CALCR: variants seen among roughly 807,000 people sequenced by gnomAD.
CALCR encodes the protein calcitonin receptor.
Under a neutral mutation model 59.5 loss-of-function variants are expected in CALCR, and 47 were observed. The observed-to-expected ratio is 0.79, with a 90% CI of 0.63 to 1.01. The LOEUF (loss-of-function observed/expected upper bound fraction) is 1.01, where lower values mean the gene tolerates loss of function less well. CALCR is among the 50% of genes least tolerant of loss of function. The pLI is 0.00. For synonymous variants in CALCR, 213 were observed against 211.3 expected (o/e 1.01, Z -0.07); for missense variants, 566 against 597.1 (o/e 0.95, Z 0.54).
At chr7:93,484,278 T>C (rs1322239631) in intron 3 of CALCR, among the ~76,000 whole-genome samples, 1 of 151,794 alleles carries the variant, frequency 6.6e-6, no homozygotes, top group African/African-American at 2.4e-5. Flanking sequence ...CAGTTTGCTT[T>C]TGGGTTACAG....
chr7:93,463,780 GACA>G (rs1800387994), intron 7 of CALCR, among the ~76,000 whole-genome samples: 1 of 151,868 alleles, frequency 6.6e-6, no homozygotes, highest in Admixed American at 6.6e-5. Flanking sequence ...GAGAGAAGCC[GACA>G]ACATTTTTTT....
chr7:93,573,986 G>T (rs1260459154), intron 2 of CALCR, among the ~76,000 whole-genome samples: 2 of 152,086 alleles, frequency 1.3e-5, no homozygotes, highest in African/African-American at 4.8e-5. Context: ...ATAAGTTGGA[G>T]AATAAAACTT....
chr7:93,562,831 GT>G (rs1421510815), intron 2 of CALCR, among the ~76,000 whole-genome samples: 5 of 152,118 alleles, frequency 3.3e-5, no homozygotes, highest in African/African-American at 1.2e-4. Flanking sequence ...AGCAGTTAAG[GT>G]TTGAGATCAA....
chr7:93,500,873 A>G (rs1457312463), intron 2 of CALCR, among the ~76,000 whole-genome samples: 3 of 152,022 alleles, frequency 2.0e-5, no homozygotes, highest in Non-Finnish European at 4.4e-5. Context: ...TTCAGTGCAT[A>G]TATTTACTAA....
At chr7:93,446,630 T>C (rs760880625) in intron 8 of CALCR, among the ~76,000 whole-genome samples, 3 of 151,956 alleles carry the variant, frequency 2.0e-5, no homozygotes, top group Non-Finnish European at 2.9e-5. Flanking sequence ...AACCTTTCTG[T>C]CAAGGGTGGA....
At chr7:93,485,860 A>C (rs1295524314) in intron 3 of CALCR, among the ~76,000 whole-genome samples, 1 of 151,696 alleles carries the variant, frequency 6.6e-6, no homozygotes, top group Non-Finnish European at 1.5e-5. Flanking sequence ...TCATTATCCA[A>C]ATAGGTGCAA....
At chr7:93,531,753 A>G (rs1322802258) in intron 2 of CALCR, among the ~76,000 whole-genome samples, 1 of 152,060 alleles carries the variant, frequency 6.6e-6, no homozygotes, top group African/African-American at 2.4e-5. Flanking sequence ...AAAAACAAAC[A>G]AAAAGAAAAG....
intron 7 of CALCR, among the ~76,000 whole-genome samples, chr7:93,467,754 G>C (rs912873648): frequency 3.3e-5 from 5 of 150,836 alleles, no homozygotes; most frequent in African/African-American, 9.7e-5. Flanking sequence ...TCTACAAAAG[G>C]GCTTTTCTTT....
chr7:93,461,956 C>A, intron 7 of CALCR: 1 of 704,112 alleles, frequency 1.4e-6, no homozygotes, highest in South Asian at 1.7e-5. Context: ...ACTCATAACA[C>A]TAACTATTCC....
At chr7:93,467,935 GGTGT>G (rs1239454829) in intron 7 of CALCR, among the ~76,000 whole-genome samples, 5 of 151,030 alleles carry the variant, frequency 3.3e-5, no homozygotes, top group Non-Finnish European at 7.4e-5. Flanking sequence ...ACTGAACCGT[GGTGT>G]GTCTAAAAAA....
At chr7:93,530,458 AT>A (rs1788802411) in intron 2 of CALCR, among the ~76,000 whole-genome samples, 1 of 152,084 alleles carries the variant, frequency 6.6e-6, no homozygotes, top group Non-Finnish European at 1.5e-5. Context: ...ATAACACTCA[AT>A]TTTTTTGATT....
intron 8 of CALCR, among the ~76,000 whole-genome samples, chr7:93,460,572 A>AAAAATATAT (rs1554397787): frequency 1.5e-5 from 1 of 66,516 alleles, no homozygotes; most frequent in African/African-American, 1.0e-4. Context: ...AAAAAAAAAA[A>AAAAATATAT]ATATATATAT....
intron 2 of CALCR, among the ~76,000 whole-genome samples, chr7:93,529,079 A>C (rs1788759570): frequency 6.6e-6 from 1 of 152,212 alleles, no homozygotes; most frequent in African/African-American, 2.4e-5. Flanking sequence ...TAAATATATA[A>C]TAAAGATGTT....
intron 6 of CALCR, among the ~76,000 whole-genome samples, chr7:93,470,511 A>G (rs1800529179): frequency 6.6e-6 from 1 of 151,260 alleles, no homozygotes; most frequent in African/African-American, 2.4e-5. Flanking sequence ...ATATAACTTA[A>G]TTCATATTCT....
rs1424978747 is a variant in CALCR at position 93,426,562 on chromosome 7, C to T, written c.1219G>A (p.Ala407Thr). ...EVQTTVKRQW[A>T]QFKIQWNQRW... is the part of the protein sequence containing the mutation. ...TGGTTCCACTGAATTTTGAATTGGGCCCATTGGCGCTTCACGGTGGTTTGG... is the reference window on the plus strand; with the variant it reads ...TGGTTCCACTGAATTTTGAATTGGGTCCATTGGCGCTTCACGGTGGTTTGG... The change falls in exon 14 of 14, where the codon GCC becomes ACC. Residue 407 changes from alanine (A) to threonine (T), a missense_variant. By Grantham distance (58) the Ala-to-Thr change is moderately conservative (BLOSUM62 0). Coordinates refer to ENST00000426151, the MANE Select transcript of CALCR (RefSeq NM_001742.4). 2.5e-6 allele frequency: 4 copies of T among 1,609,652 alleles called. No individual in the cohort carries two copies. Among genetic ancestry groups the T allele is most frequent in the Non-Finnish European group, 3.4e-6 (4 of 1,176,548 alleles).
chr7:93,451,355 C>T (rs186435080), intron 8 of CALCR, among the ~76,000 whole-genome samples: 20 of 152,060 alleles, frequency 1.3e-4, no homozygotes, highest in Admixed American at 1.1e-3. Context: ...AGGATGCTCG[C>T]CACTGAAGTC....
chr7:93,426,640 ATGCAAAG>A lies in CALCR; in HGVS notation c.1192-58_1192-52del, dbSNP rs774125913. 64 of 940,016 alleles carry A rather than the reference ATGCAAAG, an allele frequency of 6.8e-5. No individual in the cohort carries two copies. The South Asian group carries it at 9.6e-4, about 14-fold the overall frequency. The allele number at this position is 940,016 out of a possible 1,614,324, so 58.2% of individuals were successfully genotyped here. A position where few individuals can be genotyped will look rare whatever the true frequency, so the allele number is the denominator to read the frequency against. ...TTTATATGATAGTCAGAAATGATCC[ATGCAAAG>A]TGTACGAACATCGTTCTTAGAGCTT... On this transcript the variant is annotated intron_variant, in intron 13 of 13. Coordinates refer to ENST00000426151, the MANE Select transcript of CALCR (RefSeq NM_001742.4).
Position 93,426,517 on chromosome 7 carries a change from A to AG in CALCR, c.1263dup (p.Ser422LeufsTer29). The AG allele has an allele frequency of 5.0e-6, 8 of 1,613,578 alleles. No homozygotes were observed. Among genetic ancestry groups the AG allele is most frequent in the Non-Finnish European group, 6.8e-6 (8 of 1,179,720 alleles). ...GCTGCAGCGCGAGCAGAGCGGTTGG[A>AG]GGGGCGCCTCCCCCAACGCTGGTTC... On this transcript the variant is annotated frameshift_variant, in exon 14 of 14. Coordinates refer to ENST00000426151, the MANE Select transcript of CALCR (RefSeq NM_001742.4). LOFTEE classifies it low-confidence loss of function (END_TRUNC).
At chr7:93,498,734 G>T (rs1801262099) in intron 2 of CALCR, among the ~76,000 whole-genome samples, 1 of 151,600 alleles carries the variant, frequency 6.6e-6, no homozygotes, top group African/African-American at 2.4e-5. Context: ...CAAAATCTGT[G>T]TTCTTAGTCA....
Sources: gnomAD v4.1 joint callset for allele counts (sites outside exome capture counted in the v4.1 genomes callset) on GRCh38, gnomAD v4.1.1 for gene constraint, MANE v1.5 for transcripts, NCBI Gene and HGNC (gene_info 2026-07-23, HGNC 2026-07-21) for gene names.